Variants in IAPP observed in about 807,000 individuals in gnomAD.
IAPP encodes Islet amyloid polypeptide (diabetes-associated peptide; amylin).
IAPP carries 4 observed loss-of-function variants against 2.9 expected under a neutral mutation model. That is an observed-to-expected ratio of 1.39 (90% CI 0.69 to 3.19). The LOEUF (loss-of-function observed/expected upper bound fraction) is 3.19. Ranked by LOEUF, IAPP falls within the 30% of genes most tolerant of loss-of-function variation. The probability of loss-of-function intolerance (pLI) is 0.01; values close to 1 mark genes in which losing one functional copy is unlikely to be tolerated. For synonymous variants in IAPP, 40 were observed against 42.1 expected (o/e 0.95, Z 0.19); for missense variants, 114 against 105.3 (o/e 1.08, Z -0.36).
upstream of IAPP, among the ~76,000 whole-genome samples, chr12:21,370,610 G>A (rs2137082554): frequency 6.6e-6 from 1 of 151,678 alleles, no homozygotes; most frequent in Admixed American, 6.6e-5. Context: ...TATAACATTA[G>A]GGTAAGAGAG....
Position 21,373,371 on chromosome 12 carries a change from A to G in IAPP, c.20A>G (p.Gln7Arg), listed in dbSNP as rs200933325. The change falls in exon 2 of 3, where the codon CAA (glutamine) becomes CGA (arginine). Residue 7 changes from glutamine (Q) to arginine (R), a missense_variant. Transcript: ENST00000240652. MGILKL[Q>R]VFLIVLSVAL... ...GAAGCAATGGGCATCCTGAAGCTGC[A>G]AGTATTTCTCATTGTGCTCTCTGTT... 94 of 1,613,314 alleles carry G rather than the reference A, an allele frequency of 5.8e-5. No homozygotes were observed. In the African/African-American group the frequency reaches 1.1e-3, roughly 18 times the overall value.
chr12:21,371,231 G>A (rs930530016), upstream of IAPP, among the ~76,000 whole-genome samples: 1 of 152,088 alleles, frequency 6.6e-6, no homozygotes. Context: ...GCACACTAGG[G>A]GGCGTGTCTT....
At chr12:21,367,644 ATACTCACAGCATAT>A (rs1939491031) in intron 1 of IAPP, among the ~76,000 whole-genome samples, 1 of 152,140 alleles carries the variant, frequency 6.6e-6, no homozygotes, top group Admixed American at 6.5e-5. Flanking sequence ...AAAAAGGAAA[ATACTCACAGCATAT>A]TACTCAGTTC....
At chr12:21,358,410 A>G (rs1938543362) in intron 1 of IAPP, among the ~76,000 whole-genome samples, 1 of 152,222 alleles carries the variant, frequency 6.6e-6, no homozygotes, top group Non-Finnish European at 1.5e-5. Flanking sequence ...GAGCAATACT[A>G]CTTTTAAACT....
At chr12:21,365,502 C>G (rs956622703) in intron 1 of IAPP, among the ~76,000 whole-genome samples, 2 of 152,126 alleles carry the variant, frequency 1.3e-5, no homozygotes, top group Admixed American at 6.5e-5. Flanking sequence ...GACTTTATGA[C>G]TAAAACACCA....
At chr12:21,362,469 T>C (rs2137053119) in intron 1 of IAPP, among the ~76,000 whole-genome samples, 1 of 152,150 alleles carries the variant, frequency 6.6e-6, no homozygotes, top group Non-Finnish European at 1.5e-5. Flanking sequence ...AGACCATTGG[T>C]ACTAGGAGGA....
In IAPP at chr12:21,373,020, T is replaced by C; in HGVS notation, c.-16+16T>C. On this transcript the variant is annotated intron_variant, in intron 1 of 2. Transcript: ENST00000240652. ...ACATTAAAAGGTAAAGAATTTCCTA[T>C]TTCTGGGAAAGTTTTATTTATTTAG... 1 of 284,538 alleles carries C rather than the reference T, an allele frequency of 3.5e-6. No homozygotes were observed. Among genetic ancestry groups the C allele is most frequent in the Non-Finnish European group, 6.6e-6 (1 of 151,714 alleles). 17.6% of individuals were successfully genotyped at this position (284,538 alleles called of 1,614,324 possible). A position where few individuals can be genotyped will look rare whatever the true frequency, so the allele number is the denominator to read the frequency against.
chr12:21,365,092 G>A (rs1017489131), intron 1 of IAPP, among the ~76,000 whole-genome samples: 3 of 152,030 alleles, frequency 2.0e-5, no homozygotes, highest in Admixed American at 6.5e-5. Flanking sequence ...TTGCCAATAC[G>A]ATCCTAAGCC....
intron 1 of IAPP, among the ~76,000 whole-genome samples, chr12:21,367,023 AG>A (rs1043105747): frequency 1.3e-5 from 2 of 151,976 alleles, no homozygotes; most frequent in African/African-American, 4.8e-5. Flanking sequence ...CTCAGTCAAT[AG>A]AAAAAGATCC....
At chr12:21,357,443 A>C (rs1475966249) in intron 1 of IAPP, among the ~76,000 whole-genome samples, 1 of 152,200 alleles carries the variant, frequency 6.6e-6, no homozygotes, top group African/African-American at 2.4e-5. Context: ...GCTGACACCT[A>C]ATCTTAGACT....
At chr12:21,358,065 T>A (rs1196339211) in intron 1 of IAPP, among the ~76,000 whole-genome samples, 1 of 152,194 alleles carries the variant, frequency 6.6e-6, no homozygotes, top group African/African-American at 2.4e-5. Flanking sequence ...TTTACTCACA[T>A]GTTTTGAATC....
At chr12:21,370,237 G>A (rs889007058), upstream of IAPP, among the ~76,000 whole-genome samples, 14 of 152,024 alleles carry the variant, frequency 9.2e-5, no homozygotes, top group Admixed American at 5.2e-4. Context: ...AATAACCACC[G>A]AAGAGGTGCA....
chr12:21,370,729 A>G (rs2137083011), upstream of IAPP, among the ~76,000 whole-genome samples: 1 of 152,196 alleles, frequency 6.6e-6, no homozygotes, highest in East Asian at 1.9e-4. Context: ...ATTTTTGTCT[A>G]AATGAACACT....
At chr12:21,364,301 T>G (rs1435050110) in intron 1 of IAPP, among the ~76,000 whole-genome samples, 1 of 152,146 alleles carries the variant, frequency 6.6e-6, no homozygotes, top group South Asian at 2.1e-4. Context: ...AAAAACCACA[T>G]GATTATCTCA....
upstream of IAPP, among the ~76,000 whole-genome samples, chr12:21,370,156 G>C (rs76310728): frequency 0.01 from 1,527 of 152,136 alleles, 15 homozygotes; most frequent in Non-Finnish European, 0.015. Flanking sequence ...CTCCTGAGTA[G>C]CTCTGTAACC....
rs187945905 is a variant in IAPP, at chr12:21,361,949, G to C, written c.-16+6936G>C. On this transcript the variant is annotated intron_variant, in intron 1 of 2. Coordinates refer to the IAPP transcript ENST00000539393. Reference sequence around the variant, plus strand: ...GTACCTGAAAATGACGGGGAGAATGGAACCAAGTTGGAAAACACTCTTCAG... The same window carrying C: ...GTACCTGAAAATGACGGGGAGAATGCAACCAAGTTGGAAAACACTCTTCAG... Among the ~76,000 whole-genome samples, 62 of 152,258 alleles carry C rather than the reference G, an allele frequency of 4.1e-4. 1 individual carries two copies. The highest frequency in any genetic ancestry group is 3.4e-3 in the Middle Eastern group (1 of 294).
At chr12:21,375,285 ATATGTTGCCTGAAATGAG>A (rs1006711527) in intron 2 of IAPP, among the ~76,000 whole-genome samples, 2 of 152,170 alleles carry the variant, frequency 1.3e-5, no homozygotes, top group African/African-American at 4.8e-5. Context: ...TTGCTTTTTA[ATATGTTGCCTGAAATGAG>A]TATGTTTGAA....
chr12:21,376,790 T>A (rs577239002), intron 2 of IAPP, among the ~76,000 whole-genome samples: 5 of 152,130 alleles, frequency 3.3e-5, no homozygotes, highest in African/African-American at 1.2e-4. Flanking sequence ...TGCATTTGAG[T>A]CCCAGATTAT....
chr12:21,363,353 C>G (rs1421532863), intron 1 of IAPP, among the ~76,000 whole-genome samples: 6 of 152,036 alleles, frequency 3.9e-5, no homozygotes, highest in Non-Finnish European at 5.9e-5. Context: ...CGAATGAGAA[C>G]AAAGACACAA....
Sources: gnomAD v4.1 joint callset for allele counts (sites outside exome capture counted in the v4.1 genomes callset) on GRCh38, gnomAD v4.1.1 for gene constraint, MANE v1.5 for transcripts, NCBI Gene and HGNC (gene_info 2026-07-23, HGNC 2026-07-21) for gene names.